The following CEP85L variants were observed in gnomAD, a reference collection of about 807,000 sequenced individuals.
CEP85L encodes centrosomal protein of 85 kDa-like.
Under a neutral mutation model 100.3 loss-of-function variants are expected in CEP85L, and 60 were observed. The ratio of observed to expected loss-of-function variants is 0.60; its 90% CI spans 0.49 to 0.74. CEP85L has a LOEUF of 0.74. Ranked by LOEUF, CEP85L falls within the 30% of genes least tolerant of loss-of-function variation. The pLI, the probability that CEP85L is intolerant of heterozygous loss-of-function variation, is 0.00. For synonymous variants in CEP85L, 319 were observed against 322.7 expected (o/e 0.99, Z 0.12); for missense variants, 973 against 936.2 (o/e 1.04, Z -0.51).
At chr6:118,704,894 GC>G (rs1777547079) in intron 1 of CEP85L, among the ~76,000 whole-genome samples, 1 of 152,030 alleles carries the variant, frequency 6.6e-6, no homozygotes, top group Non-Finnish European at 1.5e-5. Flanking sequence ...TCTTTCAGTG[GC>G]TTTTTTTTCC....
At chr6:118,515,451 A>C (rs951085195) in intron 4 of CEP85L, among the ~76,000 whole-genome samples, 2 of 152,226 alleles carry the variant, frequency 1.3e-5, no homozygotes, top group Non-Finnish European at 2.9e-5. Flanking sequence ...CACCCTCTTC[A>C]AGGATACATG....
At chr6:118,472,779 A>G (rs1166482515) in intron 10 of CEP85L, among the ~76,000 whole-genome samples, 2 of 152,214 alleles carry the variant, frequency 1.3e-5, no homozygotes, top group Non-Finnish European at 2.9e-5. Context: ...TAATAAAATT[A>G]AAAATTAATT....
intron 1 of CEP85L, among the ~76,000 whole-genome samples, chr6:118,706,124 A>C (rs1777586427): frequency 6.6e-6 from 1 of 152,234 alleles, no homozygotes; most frequent in Non-Finnish European, 1.5e-5. Flanking sequence ...GCTCGTATCC[A>C]GCATGTAATG....
At chr6:118,550,149 T>C (rs1159786304) in intron 3 of CEP85L, among the ~76,000 whole-genome samples, 1 of 151,934 alleles carries the variant, frequency 6.6e-6, no homozygotes, top group Middle Eastern at 3.2e-3. Context: ...CTTGCTTTAC[T>C]AAAAGGCGTG....
chr6:118,474,064 T>G (rs1773167745), intron 10 of CEP85L, among the ~76,000 whole-genome samples: 1 of 152,188 alleles, frequency 6.6e-6, no homozygotes. Flanking sequence ...GAGTTTTGCT[T>G]CTAGCATGAC....
intron 5 of CEP85L, among the ~76,000 whole-genome samples, chr6:118,496,201 A>C (rs995183700): frequency 1.3e-5 from 2 of 152,180 alleles, no homozygotes; most frequent in Non-Finnish European, 2.9e-5. Context: ...TGAATTTAGC[A>C]ACATTTTGCA....
intron 4 of CEP85L, among the ~76,000 whole-genome samples, chr6:118,519,578 GTGT>G (rs1562223393): frequency 1.2e-4 from 2 of 16,128 alleles, no homozygotes; most frequent in East Asian, 1.7e-3. Flanking sequence ...GTGTGTGTGT[GTGT>G]GGCGGGGGGG....
chr6:118,544,015 G>C (rs563566383), intron 3 of CEP85L, among the ~76,000 whole-genome samples: 1 of 152,288 alleles, frequency 6.6e-6, no homozygotes, highest in South Asian at 2.1e-4. Flanking sequence ...TCTGGCAGAA[G>C]ACAGAAAAGG....
chr6:118,465,689 G>C, intron 12 of CEP85L, 121 bp from the exon 13 acceptor site: 1 of 815,896 alleles, frequency 1.2e-6, no homozygotes, highest in Non-Finnish European at 1.9e-6. Flanking sequence ...TGAGGCTCAG[G>C]TTCAAGTTAT....
chr6:118,697,584 G>C (rs1437656838), intron 1 of CEP85L, among the ~76,000 whole-genome samples: 1 of 152,170 alleles, frequency 6.6e-6, no homozygotes, highest in Non-Finnish European at 1.5e-5. Context: ...TACTCTCAGA[G>C]CTATATGTAA....
In CEP85L at chr6:118,566,276, A is replaced by C; in HGVS notation, c.273T>G (p.Ser91Arg). The change falls in exon 3 of 13, where the codon AGT becomes AGG. Residue 91 changes from serine to arginine, a missense_variant. By Grantham distance (110) the Ser-to-Arg change is moderately radical. Transcript: ENST00000368491. ...CAGTAGGAAGAGTAATCAATGATTG[A>C]CTAGGCTTAAAAGATAATGTGCCAC... ...TSSGTLSFKP[S>R]QSLITLPTAH... is the part of the protein sequence containing the mutation. 2 of 1,614,034 alleles carry C rather than the reference A, an allele frequency of 1.2e-6. No individual in the cohort carries two copies. The highest frequency in any genetic ancestry group is 1.7e-6 in the Non-Finnish European group (2 of 1,179,982).
intron 3 of CEP85L, 97 bp downstream of exon 3, chr6:118,565,432 A>G: frequency 8.3e-7 from 1 of 1,208,264 alleles, no homozygotes; most frequent in Non-Finnish European, 1.2e-6. Context: ...GGAAATGCAA[A>G]ACAATCTGTG....
At chr6:118,521,710 C>A (rs1776678155) in intron 4 of CEP85L, among the ~76,000 whole-genome samples, 1 of 151,942 alleles carries the variant, frequency 6.6e-6, no homozygotes, top group Non-Finnish European at 1.5e-5. Flanking sequence ...TCGAACAAAC[C>A]CAGGCTAGCC....
At position 118,488,594 on chromosome 6, in the gene CEP85L, G is replaced by A. The variant is rs768990042; in HGVS notation, c.1437+3092C>T. Among the ~76,000 whole-genome samples the A allele has an allele frequency of 5.3e-4, 80 of 152,026 alleles. 1 individual carries two copies. The highest frequency in any genetic ancestry group is 1.0e-3 in the Non-Finnish European group (69 of 68,014). ...TTGTAGGAGTCCCAAAAAAGGAAGG[G>A]GGAGAAAGGGAAAGAAAGCTTATTC... On this transcript the variant is annotated intron_variant, in intron 6 of 12. Coordinates refer to ENST00000368491, the MANE Select transcript of CEP85L (RefSeq NM_001042475.3).
rs554773647 is a variant in CEP85L at position 118,698,741 on chromosome 6, TG to T, written c.-28+11294del. Among the ~76,000 whole-genome samples, 4 of 151,770 alleles carry T rather than the reference TG, an allele frequency of 2.6e-5. No individual in the cohort carries two copies. In the South Asian group the frequency reaches 6.2e-4, roughly 24 times the overall value. ...ACTGGCCAGCAGTTGAAGAATTAAG[TG>T]GGGATGTGATAGGAAGCACAGTGAC... On this transcript the variant is annotated intron_variant, in intron 1 of 13. Coordinates refer to the CEP85L transcript ENST00000368488.
At chr6:118,628,775 A>G (rs1427812975) in intron 2 of CEP85L, among the ~76,000 whole-genome samples, 1 of 152,236 alleles carries the variant, frequency 6.6e-6, no homozygotes, top group African/African-American at 2.4e-5. Context: ...GTAAAACACA[A>G]AACTATAAAA....
At chr6:118,486,754 C>T (rs1444778791) in intron 6 of CEP85L, among the ~76,000 whole-genome samples, 2 of 152,120 alleles carry the variant, frequency 1.3e-5, no homozygotes, top group African/African-American at 4.8e-5. Context: ...GAAGCTACTC[C>T]TCTTCTTTTC....
At chr6:118,465,977 C>T (rs1772487560) in intron 12 of CEP85L, among the ~76,000 whole-genome samples, 1 of 151,920 alleles carries the variant, frequency 6.6e-6, no homozygotes, top group Non-Finnish European at 1.5e-5. Flanking sequence ...GGGTTTACTG[C>T]CATGAAAATA....
At chr6:118,516,048 C>A (rs1776256250) in intron 4 of CEP85L, among the ~76,000 whole-genome samples, 1 of 152,126 alleles carries the variant, frequency 6.6e-6, no homozygotes, top group African/African-American at 2.4e-5. Flanking sequence ...TGGTTTCCAG[C>A]TTCATCCATG....
Sources: gnomAD v4.1 joint callset for allele counts (sites outside exome capture counted in the v4.1 genomes callset) on GRCh38, gnomAD v4.1.1 for gene constraint, MANE v1.5 for transcripts, NCBI Gene and HGNC (gene_info 2026-07-23, HGNC 2026-07-21) for gene names.